NELL1: variants seen among roughly 807,000 people sequenced by gnomAD.
NELL1 encodes the protein protein kinase C-binding protein NELL1.
In NELL1, 76 loss-of-function variants were observed where a neutral mutation model predicts 107.4. The ratio of observed to expected loss-of-function variants is 0.71; its 90% confidence interval spans 0.59 to 0.86. The LOEUF (loss-of-function observed/expected upper bound fraction) is 0.86. Ranked by LOEUF, NELL1 falls within the 40% of genes least tolerant of loss-of-function variation. NELL1 has a pLI of 0.00. For synonymous variants in NELL1, 353 were observed against 341.2 expected (o/e 1.03, Z -0.38); for missense variants, 1,024 against 1,005.5 (o/e 1.02, Z -0.25).
intron 2 of NELL1, among the ~76,000 whole-genome samples, chr11:20,782,938 G>A (rs1326828408): frequency 6.6e-6 from 1 of 152,180 alleles, no homozygotes; most frequent in African/African-American, 2.4e-5. Context: ...TCTTGTCTAG[G>A]AGCAGGATTA....
chr11:20,746,832 T>C (rs1421875288), intron 2 of NELL1, among the ~76,000 whole-genome samples: 1 of 152,138 alleles, frequency 6.6e-6, no homozygotes, highest in African/African-American at 2.4e-5. Context: ...AGGTAGTTTG[T>C]TCCTGGTTCT....
chr11:21,392,189 T>C (rs560427138), intron 15 of NELL1, among the ~76,000 whole-genome samples: 34 of 151,954 alleles, frequency 2.2e-4, no homozygotes, highest in South Asian at 2.1e-3. Context: ...CTCTAGTGTT[T>C]GCTGGGGCAA....
At chr11:20,726,468 C>T (rs1308206767) in intron 2 of NELL1, among the ~76,000 whole-genome samples, 1 of 151,964 alleles carries the variant, frequency 6.6e-6, no homozygotes, top group Non-Finnish European at 1.5e-5. Context: ...AATCTGACTT[C>T]TATCATCGAT....
intron 14 of NELL1, among the ~76,000 whole-genome samples, chr11:21,359,390 GTTGAAGATGTATGCTAGTATTTTA>G (rs1244442881): frequency 6.6e-6 from 1 of 152,062 alleles, no homozygotes; most frequent in African/African-American, 2.4e-5. Flanking sequence ...CTAGTATTTT[GTTGAAGATGTATGCTAGTATTTTA>G]TTGAAGATGT....
intron 12 of NELL1, among the ~76,000 whole-genome samples, chr11:21,099,233 AAACACAC>A (rs1854741200): frequency 2.4e-5 from 2 of 84,978 alleles, no homozygotes; most frequent in Non-Finnish European, 5.0e-5. Flanking sequence ...ACACACACAC[AAACACAC>A]ACACACACAC....
chr11:20,855,059 G>A (rs1006085059), intron 4 of NELL1, among the ~76,000 whole-genome samples: 2 of 152,144 alleles, frequency 1.3e-5, no homozygotes, highest in Non-Finnish European at 2.9e-5. Flanking sequence ...CTCATGCTAT[G>A]TACCCTGTGG....
intron 5 of NELL1, among the ~76,000 whole-genome samples, chr11:20,913,976 A>C (rs1012084823): frequency 1.3e-5 from 2 of 152,118 alleles, no homozygotes; most frequent in Admixed American, 1.3e-4. Flanking sequence ...GTATCTATCT[A>C]TTAAGGCAAT....
intron 12 of NELL1, among the ~76,000 whole-genome samples, chr11:20,985,966 C>T (rs1435964892): frequency 2.0e-5 from 3 of 152,212 alleles, no homozygotes; most frequent in African/African-American, 7.2e-5. Context: ...ATGGACTTCA[C>T]CTCATTGACC....
chr11:20,958,873 C>G (rs1433488270), intron 11 of NELL1, among the ~76,000 whole-genome samples: 1 of 152,138 alleles, frequency 6.6e-6, no homozygotes, highest in East Asian at 1.9e-4. Context: ...AATGTCCATC[C>G]ATGGTATAGG....
intron 12 of NELL1, among the ~76,000 whole-genome samples, chr11:21,101,134 C>T (rs1246966537): frequency 6.6e-6 from 1 of 152,086 alleles, no homozygotes; most frequent in East Asian, 1.9e-4. Flanking sequence ...TGATGGTTTC[C>T]AGCTTCATCC....
At chr11:21,527,053 T>C (rs548026407) in intron 15 of NELL1, among the ~76,000 whole-genome samples, 3 of 152,326 alleles carry the variant, frequency 2.0e-5, no homozygotes, top group South Asian at 2.1e-4. Flanking sequence ...TTCAAACTTT[T>C]ATGCTCTGCT....
At chr11:20,973,821 G>T (rs1224484874) in intron 12 of NELL1, among the ~76,000 whole-genome samples, 1 of 152,130 alleles carries the variant, frequency 6.6e-6, no homozygotes, top group Non-Finnish European at 1.5e-5. Flanking sequence ...ATTCATTTCT[G>T]GATCTTTATC....
intron 16 of NELL1, among the ~76,000 whole-genome samples, chr11:21,551,790 T>C (rs1856594196): frequency 6.6e-6 from 1 of 151,690 alleles, no homozygotes; most frequent in East Asian, 2.0e-4. Context: ...TTACTGGGTA[T>C]ATACCCAAAG....
At chr11:21,245,977 A>C (rs1858480344) in intron 14 of NELL1, among the ~76,000 whole-genome samples, 1 of 152,166 alleles carries the variant, frequency 6.6e-6, no homozygotes. Flanking sequence ...TAGTGACAGC[A>C]ATCATCTGGT....
intron 4 of NELL1, among the ~76,000 whole-genome samples, chr11:20,848,101 G>T (rs767548762): frequency 6.6e-6 from 1 of 152,130 alleles, no homozygotes; most frequent in Non-Finnish European, 1.5e-5. Context: ...TGTTGAGTTC[G>T]TTCCACTGGG....
At chr11:21,467,487 G>T (rs912215451) in intron 15 of NELL1, among the ~76,000 whole-genome samples, 4 of 152,010 alleles carry the variant, frequency 2.6e-5, no homozygotes, top group Non-Finnish European at 1.5e-5. Context: ...TCAACTGTAA[G>T]AAAAAGTGTT....
chr11:20,873,636 G>A (rs1431426760), intron 4 of NELL1, among the ~76,000 whole-genome samples: 1 of 152,104 alleles, frequency 6.6e-6, no homozygotes, highest in African/African-American at 2.4e-5. Context: ...GACTCAGAGA[G>A]GTTTAGTAAC....
intron 13 of NELL1, among the ~76,000 whole-genome samples, chr11:21,147,852 A>AG (rs1856018923): frequency 3.3e-5 from 5 of 150,858 alleles, no homozygotes; most frequent in South Asian, 2.1e-4. Flanking sequence ...AAAAAAAAAA[A>AG]AAAAAAAAAA....
intron 15 of NELL1, among the ~76,000 whole-genome samples, chr11:21,479,420 A>G (rs183737664): frequency 1.4e-4 from 21 of 152,270 alleles, no homozygotes; most frequent in African/African-American, 4.8e-4. Context: ...ATTATGTTAA[A>G]TGAAATAAGC....
Sources: gnomAD v4.1 joint callset for allele counts (sites outside exome capture counted in the v4.1 genomes callset) on GRCh38, gnomAD v4.1.1 for gene constraint, MANE v1.5 for transcripts, NCBI Gene and HGNC (gene_info 2026-07-23, HGNC 2026-07-21) for gene names.